SAMD3: variants seen among roughly 807,000 people sequenced by gnomAD.
SAMD3 encodes the protein sterile alpha motif domain-containing protein 3.
SAMD3 carries 63 observed loss-of-function variants against 58.5 expected under a neutral mutation model. That is an observed-to-expected ratio of 1.08 (90% CI 0.88 to 1.33). The LOEUF is 1.33. Among genes scored for constraint, SAMD3 ranks in the 40% most tolerant of loss-of-function variants. The pLI, the probability that SAMD3 is intolerant of heterozygous loss-of-function variation, is 0.00. For missense variants in SAMD3, 604 were observed against 608.4 expected (o/e 0.99, Z 0.08); for synonymous variants, 220 against 210.3 (o/e 1.05, Z -0.40).
At chr6:130,219,725 T>C (rs1183860435) in intron 1 of SAMD3, among the ~76,000 whole-genome samples, 3 of 152,202 alleles carry the variant, frequency 2.0e-5, no homozygotes, top group Non-Finnish European at 2.9e-5. Context: ...CTTTATCCAC[T>C]TGTTGATTGA....
At chr6:130,249,612 G>A (rs377252255) in intron 2 of SAMD3, among the ~76,000 whole-genome samples, 1 of 152,114 alleles carries the variant, frequency 6.6e-6, no homozygotes, top group East Asian at 1.9e-4. Flanking sequence ...CAATAGAAGA[G>A]ACAGACTAAC....
intron 8 of SAMD3, among the ~76,000 whole-genome samples, chr6:130,174,306 T>C (rs1791525821): frequency 6.6e-6 from 1 of 152,172 alleles, no homozygotes; most frequent in African/African-American, 2.4e-5. Flanking sequence ...CCTGGTGGTG[T>C]AGGCATACGA....
Position 130,317,367 on chromosome 6 carries a change from C to T in SAMD3, c.-303-4274G>A, listed in dbSNP as rs114368560. On this transcript the variant is annotated intron_variant, in intron 1 of 13. Transcript: ENST00000368134. ...TAAAATATTTGTTGGACGCCTACTA[C>T]GTGTTACTTATTGTTCTAGGCACTG... Among the ~76,000 whole-genome samples, 1,188 of 152,206 alleles carry T rather than the reference C, an allele frequency of 7.8e-3. 14 individuals are homozygous for T. Among genetic ancestry groups the T allele is most frequent in the African/African-American group, 0.023 (951 of 41,514 alleles).
chr6:130,183,753 A>C (rs953486994), intron 7 of SAMD3, among the ~76,000 whole-genome samples: 2 of 152,164 alleles, frequency 1.3e-5, no homozygotes, highest in Admixed American at 1.3e-4. Flanking sequence ...TGACAGAGAG[A>C]GACAAAGAAG....
chr6:130,192,920 C>T (rs933937357), intron 5 of SAMD3, among the ~76,000 whole-genome samples: 1 of 152,188 alleles, frequency 6.6e-6, no homozygotes, highest in Non-Finnish European at 1.5e-5. Flanking sequence ...CCTCTTTCTC[C>T]TTTCAATCTT....
chr6:130,305,918 T>A lies in SAMD3; in HGVS notation c.-188+7060A>T, dbSNP rs866766155. 2.0e-5 allele frequency among the ~76,000 whole-genome samples: 3 copies of A among 152,388 alleles called. No homozygotes were observed. In the South Asian group the frequency reaches 6.2e-4, roughly 32 times the overall value. On this transcript the variant is annotated intron_variant, in intron 2 of 13. Coordinates refer to the SAMD3 transcript ENST00000368134. ...ATTTATTTCTCCTATTTCTGAATAC[T>A]TGGAAGTCCAAGATCAAGATGGCAG...
chr6:130,149,829 A>G (rs1225015290), intron 9 of SAMD3, among the ~76,000 whole-genome samples: 4 of 152,184 alleles, frequency 2.6e-5, no homozygotes, highest in East Asian at 3.8e-4. Flanking sequence ...ATCTACTTAT[A>G]TAACAAACCT....
At chr6:130,176,232 G>A (rs1281800634) in intron 7 of SAMD3, 1 of 576,534 alleles carries the variant, frequency 1.7e-6, no homozygotes, top group Non-Finnish European at 3.1e-6. Flanking sequence ...AGCAGACAAA[G>A]TCACAGAAAT....
At chr6:130,321,944 C>G (rs1401286267) in intron 1 of SAMD3, among the ~76,000 whole-genome samples, 2 of 152,136 alleles carry the variant, frequency 1.3e-5, no homozygotes, top group African/African-American at 4.8e-5. Flanking sequence ...TACTGTGTCC[C>G]TTTTTCCCTA....
intron 1 of SAMD3, among the ~76,000 whole-genome samples, chr6:130,335,445 C>T (rs1372377934): frequency 6.6e-6 from 1 of 152,174 alleles, no homozygotes; most frequent in Non-Finnish European, 1.5e-5. Context: ...ACAATGTACT[C>T]ATTACATGCT....
chr6:130,292,506 C>T (rs1297937890), intron 2 of SAMD3, among the ~76,000 whole-genome samples: 5 of 151,706 alleles, frequency 3.3e-5, no homozygotes, highest in Non-Finnish European at 2.9e-5. Flanking sequence ...GGGCTGGTCT[C>T]GAACTCCTGA....
At chr6:130,272,095 A>G (rs561947847) in intron 2 of SAMD3, among the ~76,000 whole-genome samples, 1 of 152,354 alleles carries the variant, frequency 6.6e-6, no homozygotes, top group South Asian at 2.1e-4. Context: ...ATCTTTTCCA[A>G]GATTATAAAT....
At position 130,174,315 on chromosome 6, in the gene SAMD3, G is replaced by A. The variant is rs527269154; in HGVS notation, c.822+1526C>T. Among the ~76,000 whole-genome samples, 5 of 152,282 alleles carry A rather than the reference G, an allele frequency of 3.3e-5. No individual in the cohort carries two copies. In the South Asian group the frequency reaches 8.3e-4, roughly 25 times the overall value. ...CAGGGCCCTGGTGGTGTAGGCATAC[G>A]AGGCAATCTCCTGATCTGCAGATTG... On this transcript the variant is annotated intron_variant, in intron 8 of 11. Transcript: ENST00000439090.
intron 9 of SAMD3, among the ~76,000 whole-genome samples, chr6:130,151,885 T>C (rs2114570260): frequency 6.6e-6 from 1 of 152,238 alleles, no homozygotes; most frequent in Non-Finnish European, 1.5e-5. Flanking sequence ...AGGGTTTCAG[T>C]TTGTGTTTGG....
chr6:130,263,391 C>T (rs1204256026), intron 2 of SAMD3, among the ~76,000 whole-genome samples: 3 of 152,042 alleles, frequency 2.0e-5, no homozygotes, highest in Admixed American at 6.6e-5. Flanking sequence ...ATCACGTTCT[C>T]GTCAAAAGGT....
chr6:130,347,130 A>T (rs944839656), intron 1 of SAMD3, among the ~76,000 whole-genome samples: 1 of 152,216 alleles, frequency 6.6e-6, no homozygotes, highest in African/African-American at 2.4e-5. Flanking sequence ...AAGATGGGGA[A>T]AAAACAGAGC....
chr6:130,365,309 G>T (rs548823499), exon 1 of SAMD3: 1 of 985,302 alleles, frequency 1.0e-6, no homozygotes, highest in Admixed American at 6.1e-5. Context: ...CCGTGCTTCA[G>T]TTCCCTCTGT....
At chr6:130,215,371 G>T in intron 2 of SAMD3, 77 bp from the exon 3 acceptor site, 4 of 1,249,706 alleles carry the variant, frequency 3.2e-6, no homozygotes, top group Non-Finnish European at 2.2e-6. Flanking sequence ...ACAGTCAGCC[G>T]CTTCCTTTGC....
At chr6:130,196,797 G>A (rs1794162161) in intron 5 of SAMD3, among the ~76,000 whole-genome samples, 1 of 152,170 alleles carries the variant, frequency 6.6e-6, no homozygotes, top group Non-Finnish European at 1.5e-5. Flanking sequence ...ATACCTCTTA[G>A]TCTAGGTAGA....
Sources: allele counts gnomAD v4.1 joint callset (sites outside exome capture counted in the v4.1 genomes callset), GRCh38; gene constraint gnomAD v4.1.1; transcripts MANE v1.5; gene names NCBI Gene and HGNC (gene_info 2026-07-23, HGNC 2026-07-21).